ZNF519: variants seen among roughly 807,000 people sequenced by gnomAD.
The protein encoded by ZNF519 is similar to Zinc finger protein 85 (Zinc finger protein HPF4) (HTF1).
A neutral mutation model predicts 7.4 loss-of-function variants in ZNF519; 7 were observed. The ratio of observed to expected loss-of-function variants is 0.94; its 90% CI spans 0.54 to 1.77. The LOEUF (loss-of-function observed/expected upper bound fraction) is 1.77. ZNF519 is among the 40% of genes most tolerant of loss of function. The pLI, the probability that ZNF519 is intolerant of heterozygous loss-of-function variation, is 0.00. For synonymous variants in ZNF519, 179 were observed against 203.3 expected (o/e 0.88, Z 1.02); for missense variants, 586 against 623.1 (o/e 0.94, Z 0.63).
intron 2 of ZNF519, among the ~76,000 whole-genome samples, chr18:14,121,138 T>C (rs757215562): frequency 4.6e-5 from 7 of 152,058 alleles, no homozygotes; most frequent in Non-Finnish European, 8.8e-5. Flanking sequence ...TGTAAACTCA[T>C]AGAAGCAGAG....
chr18:14,132,096 A>G (rs561065767), intron 1 of ZNF519, among the ~76,000 whole-genome samples, 179 bp downstream of exon 1: 6 of 152,212 alleles, frequency 3.9e-5, no homozygotes, highest in Non-Finnish European at 7.4e-5. Context: ...AGAGGGCTAC[A>G]GGCTGGGGCC....
At chr18:14,130,986 A>C (rs1222707739) in intron 1 of ZNF519, among the ~76,000 whole-genome samples, 2 of 152,076 alleles carry the variant, frequency 1.3e-5, no homozygotes, top group African/African-American at 2.4e-5. Flanking sequence ...GTCCTCTGGA[A>C]GATTACCAAA....
Position 14,083,955 on chromosome 18 carries a change from G to A in ZNF519, c.*177+922C>T, listed in dbSNP as rs1451790558. Among the ~76,000 whole-genome samples the A allele has an allele frequency of 3.3e-5, 5 of 152,092 alleles. No homozygotes were observed. In the East Asian group the frequency reaches 5.8e-4, roughly 18 times the overall value. ...CTATCCCTCTAACCCCACAGGACCC[G>A]CTCCCTGTCCCCAACCCAGGTCTTG... On this transcript the variant is annotated intron_variant and NMD_transcript_variant, in intron 3 of 4. Coordinates refer to the ZNF519 transcript ENST00000587419.
chr18:14,106,934 C>T (rs1295467114), intron 2 of ZNF519, among the ~76,000 whole-genome samples: 2 of 152,144 alleles, frequency 1.3e-5, no homozygotes, highest in Non-Finnish European at 2.9e-5. Flanking sequence ...AGGAATCACC[C>T]TTCCCGGTGA....
chr18:14,127,620 T>A (rs1168954688), intron 1 of ZNF519, among the ~76,000 whole-genome samples: 1 of 151,820 alleles, frequency 6.6e-6, no homozygotes, highest in Non-Finnish European at 1.5e-5. Context: ...TGGGAGGGAG[T>A]TGAAGTTTTC....
intron 3 of ZNF519, chr18:14,082,054 T>TC (rs2046072790): frequency 6.6e-6 from 1 of 151,592 alleles, no homozygotes; most frequent in Non-Finnish European, 1.5e-5. Context: ...AAAAAATAAA[T>TC]AAAATTTAGT....
intron 2 of ZNF519, among the ~76,000 whole-genome samples, chr18:14,120,572 C>A (rs1413018556): frequency 1.3e-5 from 2 of 151,302 alleles, no homozygotes; most frequent in African/African-American, 2.4e-5. Flanking sequence ...AGCTTCTGCA[C>A]AGGAAAGGAA....
In ZNF519 at chr18:14,109,117, CA is replaced by C. The variant is rs1394519344; in HGVS notation, c.131-2709del. Among the ~76,000 whole-genome samples, 404 of 117,244 alleles carry C rather than the reference CA, an allele frequency of 3.4e-3. 5 individuals are homozygous for C. Among genetic ancestry groups the C allele is most frequent in the African/African-American group, 0.01 (290 of 28,802 alleles). 76.9% of individuals were successfully genotyped at this position (117,244 alleles called of 152,430 possible). On this transcript the variant is annotated intron_variant, in intron 2 of 2. Coordinates refer to ENST00000590202, the MANE Select transcript of ZNF519 (RefSeq NM_145287.4). ...AGCGAAACTCAGAGAAACTCCGTCT[CA>C]AAAAAAAAAAAAAAAAATAATAATG...
At chr18:14,073,614 G>GTGTACAACAA (rs1427647209), downstream of ZNF519, 1 of 152,132 alleles carries the variant, frequency 6.6e-6, no homozygotes, top group Non-Finnish European at 1.5e-5. Flanking sequence ...AACATTTCCT[G>GTGTACAACAA]AGTATTTCAA....
Position 14,102,227 on chromosome 18 carries a change from A to G in ZNF519, c.*2690T>C, listed in dbSNP as rs1202199592. 6.6e-6 allele frequency: 1 copy of G among 152,084 alleles called. No homozygotes were observed. Among genetic ancestry groups the G allele is most frequent in the African/African-American group, 2.4e-5 (1 of 41,426 alleles). 9.4% of individuals were successfully genotyped at this position (152,084 alleles called of 1,614,324 possible). A position where few individuals can be genotyped will look rare whatever the true frequency, so the allele number is the denominator to read the frequency against. On this transcript the variant is annotated 3_prime_UTR_variant, in exon 3 of 3. Coordinates refer to ENST00000590202, the MANE Select transcript of ZNF519 (RefSeq NM_145287.4). ...CTGCTGCCCAGGCTGCAGTGCAGTG[A>G]CATGATCTTGGCTCACTGCAACCTC...
chr18:14,086,074 C>T (rs182008269), intron 2 of ZNF519, among the ~76,000 whole-genome samples: 21 of 152,292 alleles, frequency 1.4e-4, no homozygotes, highest in Admixed American at 3.3e-4. Context: ...CTCTCTAAAC[C>T]CTGGGCAGCA....
At chr18:14,076,887 C>T (rs373731500) in exon 5 of ZNF519, 1 of 152,174 alleles carries the variant, frequency 6.6e-6, no homozygotes, top group African/African-American at 2.4e-5. Flanking sequence ...AGTCACCACA[C>T]AGCTATGGTC....
intron 1 of ZNF519, among the ~76,000 whole-genome samples, chr18:14,124,925 G>A (rs751328832): frequency 2.6e-5 from 4 of 152,158 alleles, no homozygotes; most frequent in African/African-American, 9.7e-5. Context: ...TGATCCTATT[G>A]AAAGACTGCA....
Position 14,130,235 on chromosome 18 carries a change from T to C in ZNF519, c.3+2040A>G, listed in dbSNP as rs2046322996. ...CCTATTTGTTCAGATCCCTGAACTT[T>C]GACCTATTCTCAGCCTGATTCAACA... On this transcript the variant is annotated intron_variant, in intron 1 of 2. Coordinates refer to ENST00000590202, the MANE Select transcript of ZNF519 (RefSeq NM_145287.4). 7.2e-5 allele frequency among the ~76,000 whole-genome samples: 11 copies of C among 152,040 alleles called. 1 individual carries two copies. The South Asian group carries it at 2.3e-3, about 32-fold the overall frequency.
At chr18:14,122,304 T>A (rs1334071435) in intron 2 of ZNF519, 1 of 152,186 alleles carries the variant, frequency 6.6e-6, no homozygotes, top group African/African-American at 2.4e-5. Flanking sequence ...AGTAAGGATT[T>A]TTGTAGAATC....
chr18:14,091,321 T>A (rs1032051400), intron 2 of ZNF519, among the ~76,000 whole-genome samples: 4 of 152,166 alleles, frequency 2.6e-5, no homozygotes, highest in Non-Finnish European at 5.9e-5. Flanking sequence ...GCCCCCCATT[T>A]CCTGTCAAAA....
chr18:14,123,000 A>G (rs1033910017), intron 2 of ZNF519: 6 of 142,042 alleles, frequency 4.2e-5, no homozygotes, highest in African/African-American at 1.1e-4. Context: ...TCATTGTTCA[A>G]TTCCCACCTA....
chr18:14,108,400 T>A (rs1420301551), intron 2 of ZNF519, among the ~76,000 whole-genome samples: 1 of 152,176 alleles, frequency 6.6e-6, no homozygotes, highest in African/African-American at 2.4e-5. Context: ...AGTCCACCCA[T>A]GAACCAGTCA....
Position 14,120,474 on chromosome 18 carries a change from T to C in ZNF519, c.130+3876A>G, listed in dbSNP as rs553306138. 8.5e-5 allele frequency among the ~76,000 whole-genome samples: 13 copies of C among 152,300 alleles called. No homozygotes were observed. In the East Asian group the frequency reaches 1.3e-3, roughly 16 times the overall value. On this transcript the variant is annotated intron_variant, in intron 2 of 2. Coordinates refer to ENST00000590202, the MANE Select transcript of ZNF519 (RefSeq NM_145287.4). ...AACATATTGGAAAACCTTGTTGATATTGGTCTTGGCAACAGCTTTTTGCAT... is the reference window on the plus strand; with the variant it reads ...AACATATTGGAAAACCTTGTTGATACTGGTCTTGGCAACAGCTTTTTGCAT...
Sources: allele counts gnomAD v4.1 joint callset (sites outside exome capture counted in the v4.1 genomes callset), GRCh38; gene constraint gnomAD v4.1.1; transcripts MANE v1.5; gene names NCBI Gene and HGNC (gene_info 2026-07-23, HGNC 2026-07-21).